Variants in PTCHD4 observed in about 807,000 individuals in gnomAD.
The protein encoded by PTCHD4 is patched domain-containing protein 4.
A neutral mutation model predicts 58.1 loss-of-function variants in PTCHD4; 33 were observed. The observed-to-expected ratio is 0.57, with a 90% confidence interval of 0.43 to 0.76. PTCHD4 has a LOEUF of 0.76. PTCHD4 is among the 30% of genes least tolerant of loss of function. The pLI, the probability that PTCHD4 is intolerant of heterozygous loss-of-function variation, is 0.00. For missense variants in PTCHD4, 1,058 were observed against 1,027.1 expected (o/e 1.03, Z -0.41); for synonymous variants, 478 against 409.6 (o/e 1.17, Z -2.02).
chr6:47,923,708 A>G (rs1318522122), intron 4 of PTCHD4, among the ~76,000 whole-genome samples: 1 of 152,216 alleles, frequency 6.6e-6, no homozygotes, highest in Non-Finnish European at 1.5e-5. Flanking sequence ...ACCACTGTAA[A>G]TGGTATAGGC....
chr6:48,058,606 C>G (rs1296033273), intron 3 of PTCHD4, among the ~76,000 whole-genome samples: 1 of 151,938 alleles, frequency 6.6e-6, no homozygotes, highest in Non-Finnish European at 1.5e-5. Flanking sequence ...AGAAAGTAAG[C>G]CAGCAAACGG....
In PTCHD4 at chr6:47,866,199, C is replaced by T. The variant is rs951468346; in HGVS notation, c.*12104G>A. Among the ~76,000 whole-genome samples, 2 of 151,870 alleles carry T rather than the reference C, an allele frequency of 1.3e-5. No homozygotes were observed. The highest frequency in any genetic ancestry group is 4.8e-5 in the African/African-American group (2 of 41,400). Reference sequence around the variant, plus strand: ...TGTCTTGTGACTTTTTAAAACTTCACTTAATAAAAGGCTCTATCAGTATTT... The same window carrying T: ...TGTCTTGTGACTTTTTAAAACTTCATTTAATAAAAGGCTCTATCAGTATTT... On this transcript the variant is annotated 3_prime_UTR_variant, in exon 5 of 5. Transcript: ENST00000339488.
chr6:48,048,001 T>A (rs964080075), intron 3 of PTCHD4, among the ~76,000 whole-genome samples: 21 of 115,520 alleles, frequency 1.8e-4, no homozygotes, highest in South Asian at 8.3e-4. Context: ...CCTTAAGATA[T>A]AAAATAAGCA....
chr6:47,886,581 T>C (rs533935458), intron 4 of PTCHD4, among the ~76,000 whole-genome samples: 2 of 152,292 alleles, frequency 1.3e-5, no homozygotes, highest in South Asian at 2.1e-4. Context: ...CTTTCAATAA[T>C]TGTGTTTGTG....
At chr6:47,902,443 A>G (rs533924428) in intron 4 of PTCHD4, among the ~76,000 whole-genome samples, 4 of 152,332 alleles carry the variant, frequency 2.6e-5, no homozygotes, top group South Asian at 2.1e-4. Flanking sequence ...AAGGTACTGC[A>G]TAAAATTCAG....
intron 3 of PTCHD4, among the ~76,000 whole-genome samples, chr6:48,036,975 C>T (rs185214252): frequency 6.6e-6 from 1 of 152,220 alleles, no homozygotes; most frequent in Non-Finnish European, 1.5e-5. Flanking sequence ...ACTTGTTGTT[C>T]TTCAGCAAGG....
intron 4 of PTCHD4, among the ~76,000 whole-genome samples, chr6:47,970,877 G>A (rs1234000786): frequency 6.6e-6 from 1 of 152,070 alleles, no homozygotes; most frequent in Non-Finnish European, 1.5e-5. Context: ...CCAAGTGTGG[G>A]GCCTAGCAAT....
chr6:48,049,438 A>T (rs1187463880), intron 3 of PTCHD4, among the ~76,000 whole-genome samples: 1 of 151,974 alleles, frequency 6.6e-6, no homozygotes, highest in African/African-American at 2.4e-5. Context: ...CTAGCTCTCA[A>T]GACTAAAATA....
At chr6:48,037,091 T>A (rs1255562900) in intron 3 of PTCHD4, among the ~76,000 whole-genome samples, 2 of 152,158 alleles carry the variant, frequency 1.3e-5, no homozygotes, top group Non-Finnish European at 2.9e-5. Flanking sequence ...TCTGTCACAA[T>A]GACTGTGCAA....
At chr6:48,040,468 A>G in intron 3 of PTCHD4, among the ~76,000 whole-genome samples, 1 of 37,274 alleles carries the variant, frequency 2.7e-5, no homozygotes, top group Non-Finnish European at 6.3e-5. Flanking sequence ...AGTCAGAAAG[A>G]AAGGAAAAAA....
rs534525025 is a variant in PTCHD4 at position 48,008,977 on chromosome 6, G to T, written c.555C>A (p.Asp185Glu). Residue 185 changes from aspartate to glutamate, a missense_variant, in exon 4 of 5, where the codon GAC becomes GAA. Physicochemically the swap from Asp to Glu is conservative, Grantham distance 45. Transcript: ENST00000339488. ...YLQTYGSATQ[D>E]LIGEKWENEF... ...CATTCTCCCACTTCTCCCCTATGAG[G>T]TCTTGGGTGGCAGAGCCATAGGTCT... is the stretch of plus-strand genomic sequence containing the variant. 9 of 1,613,844 alleles carry T rather than the reference G, an allele frequency of 5.6e-6. No homozygotes were observed. The highest frequency in any genetic ancestry group is 7.6e-6 in the Non-Finnish European group (9 of 1,179,898).
chr6:47,888,497 TTAG>T (rs1197876993), intron 4 of PTCHD4, among the ~76,000 whole-genome samples: 4 of 152,150 alleles, frequency 2.6e-5, no homozygotes, highest in Non-Finnish European at 5.9e-5. Flanking sequence ...AAAATAAAAC[TTAG>T]TAGCAGATTC....
At chr6:48,109,793 A>G (rs957339059) in intron 1 of PTCHD4, among the ~76,000 whole-genome samples, 3 of 152,146 alleles carry the variant, frequency 2.0e-5, no homozygotes, top group African/African-American at 7.2e-5. Context: ...TTTTTTCCAA[A>G]GAAAACATAC....
At chr6:48,108,574 C>T (rs989971091) in intron 1 of PTCHD4, among the ~76,000 whole-genome samples, 1 of 151,850 alleles carries the variant, frequency 6.6e-6, no homozygotes, top group Admixed American at 6.6e-5. Flanking sequence ...GCACGTTGTG[C>T]ATATGTATCC....
chr6:47,958,806 C>A (rs535510081), intron 4 of PTCHD4, among the ~76,000 whole-genome samples: 1 of 152,182 alleles, frequency 6.6e-6, no homozygotes, highest in East Asian at 1.9e-4. Flanking sequence ...GTGTCTGCTA[C>A]CATCAGCCAG....
At chr6:48,061,861 C>A (rs1051613858) in intron 3 of PTCHD4, among the ~76,000 whole-genome samples, 1 of 152,144 alleles carries the variant, frequency 6.6e-6, no homozygotes, top group Non-Finnish European at 1.5e-5. Flanking sequence ...TTCCATGATT[C>A]CACCCTGGGG....
At position 47,866,882 on chromosome 6, in the gene PTCHD4, C is replaced by T. The variant is rs1039364574; in HGVS notation, c.*11421G>A. Among the ~76,000 whole-genome samples the T allele has an allele frequency of 6.6e-6, 1 of 151,776 alleles. No individual in the cohort carries two copies. Among genetic ancestry groups the T allele is most frequent in the Non-Finnish European group, 1.5e-5 (1 of 67,854 alleles). On this transcript the variant is annotated 3_prime_UTR_variant, in exon 5 of 5. Transcript: ENST00000339488. ...AAATAGTTTTAAGCATTTTAACAAA[C>T]TCATTGTCTTAAAATTTACATTTAG...
intron 4 of PTCHD4, among the ~76,000 whole-genome samples, chr6:47,926,703 C>A (rs1161105550): frequency 5.3e-5 from 8 of 152,114 alleles, no homozygotes; most frequent in African/African-American, 1.9e-4. Flanking sequence ...GTAGAAAGAA[C>A]ATAGATCTGA....
chr6:48,042,088 G>A (rs1366652328), intron 3 of PTCHD4, among the ~76,000 whole-genome samples: 1 of 151,948 alleles, frequency 6.6e-6, no homozygotes, highest in Non-Finnish European at 1.5e-5. Flanking sequence ...GCTGAATGGT[G>A]GGAGATATTA....
Sources: gnomAD v4.1 joint callset for allele counts (sites outside exome capture counted in the v4.1 genomes callset) on GRCh38, gnomAD v4.1.1 for gene constraint, MANE v1.5 for transcripts, NCBI Gene and HGNC (gene_info 2026-07-23, HGNC 2026-07-21) for gene names.